The following MAP4 variants were observed in gnomAD, a reference collection of about 807,000 sequenced individuals.
The protein encoded by MAP4 is microtubule-associated protein 4.
MAP4 carries 76 observed loss-of-function variants against 170.2 expected under a neutral mutation model. The observed-to-expected ratio is 0.45, with a 90% CI of 0.37 to 0.54. The LOEUF (loss-of-function observed/expected upper bound fraction) is 0.54. Ranked by LOEUF, MAP4 falls within the 20% of genes least tolerant of loss-of-function variation. MAP4 has a pLI of 0.00. For synonymous variants in MAP4, 909 were observed against 994.5 expected (o/e 0.91, Z 1.62); for missense variants, 2,506 against 2,748.0 (o/e 0.91, Z 1.97).
At chr3:47,864,770 C>T (rs763260569) in intron 17 of MAP4, among the ~76,000 whole-genome samples, 28 of 151,848 alleles carry the variant, frequency 1.8e-4, no homozygotes, top group Non-Finnish European at 3.2e-4. Flanking sequence ...GGGAAGCTGA[C>T]GAAGGAGAAT....
chr3:47,859,430 A>G (rs1385453390), intron 17 of MAP4, among the ~76,000 whole-genome samples: 2 of 152,154 alleles, frequency 1.3e-5, no homozygotes, highest in Non-Finnish European at 2.9e-5. Context: ...TTGTATTTGC[A>G]CCCACAGCCC....
chr3:47,854,089 C>T (rs552940608), intron 19 of MAP4, among the ~76,000 whole-genome samples: 6 of 152,098 alleles, frequency 3.9e-5, no homozygotes, highest in African/African-American at 1.2e-4. Context: ...GGTTTCTAAT[C>T]GGCATAGTGA....
upstream of MAP4, among the ~76,000 whole-genome samples, chr3:48,018,904 C>T (rs2100109176): frequency 6.6e-6 from 1 of 152,138 alleles, no homozygotes; most frequent in Non-Finnish European, 1.5e-5. Flanking sequence ...AGAAAGAAAG[C>T]CAGTAAGGAG....
chr3:47,935,609 T>C (rs2100052248), intron 3 of MAP4, among the ~76,000 whole-genome samples: 1 of 151,994 alleles, frequency 6.6e-6, no homozygotes, highest in South Asian at 2.1e-4. Flanking sequence ...AGAAACCTGA[T>C]ATACAGACAT....
At chr3:48,072,283 G>A (rs1485587273) in intron 1 of MAP4, among the ~76,000 whole-genome samples, 5 of 152,046 alleles carry the variant, frequency 3.3e-5, no homozygotes, top group Admixed American at 6.6e-5. Context: ...CGAGGTGGGC[G>A]GATCACTTGA....
upstream of MAP4, among the ~76,000 whole-genome samples, chr3:48,017,484 C>CTTTTTTT (rs555856378): frequency 2.2e-5 from 3 of 138,544 alleles, no homozygotes; most frequent in Admixed American, 7.2e-5. Flanking sequence ...TTTCTTTTTT[C>CTTTTTTT]TTTTTTTTTT....
chr3:47,873,288 T>A (rs1177515562), intron 12 of MAP4, among the ~76,000 whole-genome samples: 4 of 152,292 alleles, frequency 2.6e-5, no homozygotes, highest in East Asian at 1.9e-4. Context: ...GAGAATGACG[T>A]CTCTAGTGAA....
At chr3:48,074,244 T>C (rs2100142494) in intron 1 of MAP4, among the ~76,000 whole-genome samples, 1 of 132,798 alleles carries the variant, frequency 7.5e-6, no homozygotes, top group African/African-American at 2.9e-5. Flanking sequence ...CACTCATAGG[T>C]GGGAATTGAA....
At chr3:47,976,934 A>G (rs2100082512) in intron 3 of MAP4, among the ~76,000 whole-genome samples, 1 of 152,248 alleles carries the variant, frequency 6.6e-6, no homozygotes, top group Non-Finnish European at 1.5e-5. Context: ...AAGCCTTAGA[A>G]AAAGAGAAAT....
At chr3:47,981,289 G>A (rs994442694) in intron 2 of MAP4, among the ~76,000 whole-genome samples, 30 of 152,040 alleles carry the variant, frequency 2.0e-4, no homozygotes, top group Admixed American at 1.3e-3. Context: ...ACACCCTAGG[G>A]TATGCCTATA....
Position 47,916,734 on chromosome 3 carries a change from C to A in MAP4, c.1093G>T (p.Ala365Ser), listed in dbSNP as rs199525645. 3.5e-5 allele frequency: 56 copies of A among 1,614,084 alleles called. No homozygotes were observed. The East Asian group carries it at 1.0e-3, about 30-fold the overall frequency. Residue 365 changes from alanine to serine, a missense_variant, in exon 7 of 21, where the codon GCC (alanine) becomes TCC (serine). Transcript: ENST00000683076. ...GGTGGTCCCATGTCCTTGGAAGGGG[C>A]TAAGTCCATTTTTATAGGAGATGCC... is the stretch of plus-strand genomic sequence containing the variant. ...ERASPIKMDL[A>S]PSKDMGPPKE...
rs780972882 is a variant in MAP4 at position 47,910,213 on chromosome 3, T to G, written c.4208A>C (p.Glu1403Ala). The G allele has an allele frequency of 2.8e-5, 45 of 1,612,442 alleles. No individual in the cohort carries two copies. Among genetic ancestry groups the G allele is most frequent in the Non-Finnish European group, 3.7e-5 (44 of 1,179,860 alleles). Reference protein sequence around the residue: ...PMETTGDQGIEGMAYMDENRN... With the variant: ...PMETTGDQGIAGMAYMDENRN... ...ATTTTCGTCCATATAGGCCATTCCT[T>G]CAATTCCCTGGTCCCCTGTGGTTTC... Residue 1403 changes from glutamate to alanine, a missense_variant, in exon 9 of 21, where the codon GAA becomes GCA. Coordinates refer to ENST00000683076, the MANE Select transcript of MAP4 (RefSeq NM_001385682.1).
intron 1 of MAP4, among the ~76,000 whole-genome samples, chr3:48,040,153 T>C (rs1270012263): frequency 1.3e-5 from 2 of 152,212 alleles, no homozygotes; most frequent in Admixed American, 6.5e-5. Flanking sequence ...TTAAAAGCCA[T>C]TGATGAAATA....
chr3:47,992,635 G>A (rs1439085516), intron 2 of MAP4, among the ~76,000 whole-genome samples: 1 of 151,984 alleles, frequency 6.6e-6, no homozygotes, highest in Non-Finnish European at 1.5e-5. Context: ...CAAGTTCGTG[G>A]AAAATGCATT....
intron 17 of MAP4, among the ~76,000 whole-genome samples, chr3:47,862,144 G>A (rs1325703333): frequency 1.5e-5 from 2 of 129,126 alleles, no homozygotes; most frequent in African/African-American, 6.2e-5. Context: ...CTGGGTGACA[G>A]AGCGAGACTC....
intron 3 of MAP4, among the ~76,000 whole-genome samples, chr3:47,964,073 G>A (rs1223845616): frequency 3.3e-5 from 5 of 152,176 alleles, no homozygotes; most frequent in East Asian, 3.8e-4. Context: ...GGGTAACTAA[G>A]AAAAGATCTG....
rs141262798 is a variant in MAP4 at position 47,853,262 on chromosome 3, C to G, written c.6787G>C (p.Ala2263Pro). Reference protein sequence around the residue: ...AISEAAPEAGAPTSASGLNGH... With the variant: ...AISEAAPEAGPPTSASGLNGH... ...TTGAGGCCACTGGCTGAAGTGGGGG[C>G]GCCAGCTTCAGGCGCTGCCTCAGAG... Residue 2263 changes from alanine (A) to proline (P), a missense_variant, in exon 20 of 21, where the codon GCC becomes CCC. Physicochemically the swap from Ala to Pro is conservative, Grantham distance 27. This residue lies in a region of MAP4 where 487 missense variants were observed against 511.6 expected (regional missense o/e 0.95). Transcript: ENST00000683076. The G allele has an allele frequency of 6.3e-7, 1 of 1,596,626 alleles. No individual in the cohort carries two copies. The highest frequency in any genetic ancestry group is 8.5e-7 in the Non-Finnish European group (1 of 1,170,908).
At chr3:47,995,334 TC>T (rs2100094854) in intron 2 of MAP4, among the ~76,000 whole-genome samples, 1 of 145,362 alleles carries the variant, frequency 6.9e-6, no homozygotes. Context: ...CACTGCCACC[TC>T]CGCCTCCCAG....
At chr3:48,031,398 A>G (rs1365419676) in intron 1 of MAP4, among the ~76,000 whole-genome samples, 1 of 152,124 alleles carries the variant, frequency 6.6e-6, no homozygotes, top group Non-Finnish European at 1.5e-5. Context: ...AAAAATACAA[A>G]AAGTTAGCTG....
Sources: gnomAD v4.1 joint callset for allele counts (sites outside exome capture counted in the v4.1 genomes callset) on GRCh38, gnomAD v4.1.1 for gene constraint, gnomAD v4.1.1 regional missense constraint, MANE v1.5 for transcripts, NCBI Gene and HGNC (gene_info 2026-07-23, HGNC 2026-07-21) for gene names.